TAFA1: variants seen among roughly 807,000 people sequenced by gnomAD.
TAFA1 encodes chemokine-like protein TAFA-1.
A neutral mutation model predicts 18.5 loss-of-function variants in TAFA1; 4 were observed. The observed-to-expected ratio is 0.22, with a 90% CI of 0.11 to 0.49. TAFA1 has a LOEUF of 0.49. TAFA1 is among the 20% of genes least tolerant of loss of function. The probability of loss-of-function intolerance (pLI) is 0.98; values close to 1 mark genes in which losing one functional copy is unlikely to be tolerated. For synonymous variants in TAFA1, 56 were observed against 55.2 expected, an observed-to-expected ratio of 1.01 and a Z score of -0.06; for missense variants, 147 against 169.0, an observed-to-expected ratio of 0.87 and a Z score of 0.72.
intron 3 of TAFA1, among the ~76,000 whole-genome samples, chr3:68,449,764 G>A (rs1443258761): frequency 6.6e-6 from 1 of 152,102 alleles, no homozygotes; most frequent in East Asian, 1.9e-4. Flanking sequence ...TTATCATCAA[G>A]CTTAAAGCAC....
chr3:68,081,632 AG>A (rs2064901747), intron 2 of TAFA1, among the ~76,000 whole-genome samples: 1 of 152,200 alleles, frequency 6.6e-6, no homozygotes, highest in South Asian at 2.1e-4. Context: ...CTCGGGGGTC[AG>A]GGGTCAGGGA....
chr3:68,095,418 G>T (rs2065077194), intron 2 of TAFA1, among the ~76,000 whole-genome samples: 1 of 152,124 alleles, frequency 6.6e-6, no homozygotes, highest in South Asian at 2.1e-4. Flanking sequence ...GACATAAAAA[G>T]CTTTCTATGC....
intron 3 of TAFA1, among the ~76,000 whole-genome samples, chr3:68,466,761 C>G (rs1368916215): frequency 6.6e-6 from 1 of 152,122 alleles, no homozygotes; most frequent in Admixed American, 6.6e-5. Context: ...CATGGTTTAT[C>G]GGAGGAACCA....
At chr3:68,100,451 G>A (rs114017215) in intron 2 of TAFA1, among the ~76,000 whole-genome samples, 219 of 152,238 alleles carry the variant, frequency 1.4e-3, no homozygotes, top group African/African-American at 5.1e-3. Context: ...TCCAGCCTGG[G>A]CAACAGAGGG....
At chr3:68,040,812 C>T (rs1705147126) in intron 2 of TAFA1, among the ~76,000 whole-genome samples, 1 of 152,164 alleles carries the variant, frequency 6.6e-6, no homozygotes, top group Non-Finnish European at 1.5e-5. Context: ...CTGTTCTAGC[C>T]TTTTATAATT....
chr3:68,246,601 A>AT (rs1309596683), intron 2 of TAFA1, among the ~76,000 whole-genome samples: 5 of 88,654 alleles, frequency 5.6e-5, no homozygotes, highest in African/African-American at 2.4e-4. Context: ...AAAAAAAAAA[A>AT]AAAAAAAAAA....
intron 2 of TAFA1, among the ~76,000 whole-genome samples, chr3:68,182,119 A>G (rs2066210207): frequency 6.6e-6 from 1 of 152,166 alleles, no homozygotes; most frequent in Non-Finnish European, 1.5e-5. Flanking sequence ...TGAGGCAAGA[A>G]GATCACTTGA....
chr3:68,172,226 G>A (rs2066064567), intron 2 of TAFA1, among the ~76,000 whole-genome samples: 1 of 152,136 alleles, frequency 6.6e-6, no homozygotes, highest in Admixed American at 6.5e-5. Context: ...CTTATCACAT[G>A]CAAAGGCTCC....
At chr3:68,275,847 G>T (rs1253404665) in intron 2 of TAFA1, among the ~76,000 whole-genome samples, 1 of 152,076 alleles carries the variant, frequency 6.6e-6, no homozygotes, top group Non-Finnish European at 1.5e-5. Flanking sequence ...CAAATTCAAA[G>T]TTATTTATGC....
chr3:67,992,618 C>G, the TAFA1 span, among the ~76,000 whole-genome samples: 2 of 152,138 alleles, frequency 1.3e-5, no homozygotes, highest in Non-Finnish European at 2.9e-5. Context: ...ACTGTTGTAG[C>G]CTGAATGCAA....
chr3:68,433,837 A>G (rs1039963263), intron 3 of TAFA1, among the ~76,000 whole-genome samples: 1 of 152,146 alleles, frequency 6.6e-6, no homozygotes, highest in Non-Finnish European at 1.5e-5. Flanking sequence ...AGTTCTAACA[A>G]TTGAAAGGAT....
At position 68,521,595 on chromosome 3, in the gene TAFA1, G is replaced by C. The variant is rs577686663; in HGVS notation, c.260-17161G>C. On this transcript the variant is annotated intron_variant, in intron 3 of 4. Coordinates refer to ENST00000478136, the MANE Select transcript of TAFA1 (RefSeq NM_213609.4). ...GGAAGACTTAAGTTTGGTTTAGTGT[G>C]GAATTGATCAAGAAATTTGTACAGT... 3.5e-4 allele frequency among the ~76,000 whole-genome samples: 54 copies of C among 152,194 alleles called. No homozygotes were observed. The South Asian group carries it at 0.011, about 30-fold the overall frequency.
At chr3:68,217,112 A>G (rs962216259) in intron 2 of TAFA1, among the ~76,000 whole-genome samples, 1 of 152,102 alleles carries the variant, frequency 6.6e-6, no homozygotes, top group Middle Eastern at 3.2e-3. Context: ...TTTCCAATAG[A>G]GAAACCTGGC....
In TAFA1 at chr3:68,390,418, G is replaced by GT. The variant is rs1308935904; in HGVS notation, c.119-26861dup. Reference sequence around the variant, plus strand: ...AGAGCACCTATGGGAAGGGGCAGCTGTGGGGACAGCTTAAGCAGACTTAAA... The same window carrying GT: ...AGAGCACCTATGGGAAGGGGCAGCTGTTGGGGACAGCTTAAGCAGACTTAAA... On this transcript the variant is annotated intron_variant, in intron 2 of 4. Transcript: ENST00000478136. 2.6e-5 allele frequency among the ~76,000 whole-genome samples: 4 copies of GT among 152,354 alleles called. No individual in the cohort carries two copies. The South Asian group carries it at 8.3e-4, about 32-fold the overall frequency.
At chr3:68,382,419 T>C (rs927335945) in intron 2 of TAFA1, among the ~76,000 whole-genome samples, 1 of 152,130 alleles carries the variant, frequency 6.6e-6, no homozygotes, top group Non-Finnish European at 1.5e-5. Flanking sequence ...ACATGTCCAG[T>C]ATCAATCTTC....
chr3:68,070,817 T>C (rs192851259), intron 2 of TAFA1, among the ~76,000 whole-genome samples: 123 of 152,340 alleles, frequency 8.1e-4, no homozygotes, highest in African/African-American at 2.9e-3. Flanking sequence ...GCCACCAGTC[T>C]CTTTGCTAAA....
chr3:68,082,139 C>A (rs146430932), intron 2 of TAFA1, among the ~76,000 whole-genome samples: 2,111 of 152,250 alleles, frequency 0.014, 53 homozygotes, highest in African/African-American at 0.048. Flanking sequence ...CCTTGCGCTT[C>A]CCAAGTGAGG....
At chr3:68,035,503 C>T (rs942718417) in intron 2 of TAFA1, among the ~76,000 whole-genome samples, 1 of 152,040 alleles carries the variant, frequency 6.6e-6, no homozygotes, top group Admixed American at 6.6e-5. Context: ...AGTATCTCAT[C>T]TAAAAAATTC....
intron 3 of TAFA1, among the ~76,000 whole-genome samples, chr3:68,458,184 G>A (rs1251977592): frequency 6.6e-6 from 1 of 152,004 alleles, no homozygotes; most frequent in Non-Finnish European, 1.5e-5. Flanking sequence ...AAAGTATGTA[G>A]CACCTCCCCC....
Sources: gnomAD v4.1 joint callset for allele counts (sites outside exome capture counted in the v4.1 genomes callset) on GRCh38, gnomAD v4.1.1 for gene constraint, MANE v1.5 for transcripts, NCBI Gene and HGNC (gene_info 2026-07-23, HGNC 2026-07-21) for gene names.